Variants in OLA1 observed in about 807,000 individuals in gnomAD.
OLA1 encodes obg-like ATPase 1.
A neutral mutation model predicts 48.4 loss-of-function variants in OLA1; 14 were observed. The observed-to-expected ratio is 0.29, with a 90% CI of 0.19 to 0.45. The LOEUF (loss-of-function observed/expected upper bound fraction) is 0.45, where lower values mean the gene tolerates loss of function less well. Among genes scored for constraint, OLA1 ranks in the 20% least tolerant of loss-of-function variants. OLA1 has a pLI of 1.00. For missense variants in OLA1, 325 were observed against 467.1 expected, an observed-to-expected ratio of 0.70 and a Z score of 2.80; for synonymous variants, 127 against 150.4, an observed-to-expected ratio of 0.84 and a Z score of 1.14.
Position 174,230,847 on chromosome 2 carries a change from A to T in OLA1, c.102-1396T>A, listed in dbSNP as rs572165346. Among the ~76,000 whole-genome samples the T allele has an allele frequency of 1.6e-4, 24 of 152,346 alleles. 1 individual carries two copies. The South Asian group carries it at 4.8e-3, about 30-fold the overall frequency. ...CTAGAAAAGCCATCTAAAATGCAGG[A>T]TACAGAAGGCATCTGTTTGAAGGGT... On this transcript the variant is annotated intron_variant, in intron 2 of 10. Transcript: ENST00000284719.
intron 2 of OLA1, among the ~76,000 whole-genome samples, chr2:174,236,358 T>C (rs935006688): frequency 1.3e-5 from 2 of 152,088 alleles, no homozygotes; most frequent in Admixed American, 1.3e-4. Flanking sequence ...AATAAAATTA[T>C]TGTTAAAAAG....
At chr2:174,200,413 CAGTT>C (rs1687967297) in intron 4 of OLA1, among the ~76,000 whole-genome samples, 1 of 152,094 alleles carries the variant, frequency 6.6e-6, no homozygotes, top group Admixed American at 6.6e-5. Flanking sequence ...AAGATTATAG[CAGTT>C]AGAAAAAGAA....
At chr2:174,146,590 C>G (rs1686606069) in intron 4 of OLA1, among the ~76,000 whole-genome samples, 1 of 152,110 alleles carries the variant, frequency 6.6e-6, no homozygotes, top group African/African-American at 2.4e-5. Flanking sequence ...GAGAGCACTC[C>G]AACACTCAGA....
At chr2:174,133,026 T>C (rs1686219607) in intron 5 of OLA1, among the ~76,000 whole-genome samples, 1 of 152,212 alleles carries the variant, frequency 6.6e-6, no homozygotes, top group Non-Finnish European at 1.5e-5. Context: ...ATTATGCATA[T>C]ACAAACTTAA....
At chr2:174,143,929 G>C (rs1686518369) in intron 4 of OLA1, among the ~76,000 whole-genome samples, 1 of 152,108 alleles carries the variant, frequency 6.6e-6, no homozygotes, top group African/African-American at 2.4e-5. Context: ...GCAAGATCCT[G>C]TCTCTACAAG....
At chr2:174,197,382 C>T (rs1687900332) in intron 4 of OLA1, among the ~76,000 whole-genome samples, 1 of 151,898 alleles carries the variant, frequency 6.6e-6, no homozygotes, top group East Asian at 1.9e-4. Flanking sequence ...AGGATTTAAC[C>T]TTTTAATAAA....
Position 174,194,946 on chromosome 2 carries a change from T to C in OLA1, c.373+28087A>G, listed in dbSNP as rs2105426855. Reference sequence around the variant, plus strand: ...GTATACAACATACAAACGTGCATATTCATATTTTCTCTCTCTCTCTCTGCA... The same window carrying C: ...GTATACAACATACAAACGTGCATATCCATATTTTCTCTCTCTCTCTCTGCA... On this transcript the variant is annotated intron_variant, in intron 4 of 10. Coordinates refer to ENST00000284719, the MANE Select transcript of OLA1 (RefSeq NM_013341.5). Among the ~76,000 whole-genome samples, 2 of 152,274 alleles carry C rather than the reference T, an allele frequency of 1.3e-5. 1 individual carries two copies. Among genetic ancestry groups the C allele is most frequent in the South Asian group, 4.1e-4 (2 of 4,826 alleles).
At chr2:174,123,404 C>T in intron 6 of OLA1, 127 bp from the exon 7 acceptor site, 1 of 601,520 alleles carries the variant, frequency 1.7e-6, no homozygotes, top group Non-Finnish European at 2.8e-6. Flanking sequence ...ATTCTTCTTT[C>T]CAAAAGATTA....
intron 4 of OLA1, among the ~76,000 whole-genome samples, chr2:174,210,354 C>A (rs961504292): frequency 7.9e-5 from 12 of 152,142 alleles, no homozygotes; most frequent in African/African-American, 2.9e-4. Flanking sequence ...TTATTTTGAA[C>A]CTTAATTATT....
At chr2:174,139,724 G>A (rs1686394463) in intron 5 of OLA1, among the ~76,000 whole-genome samples, 1 of 152,020 alleles carries the variant, frequency 6.6e-6, no homozygotes, top group African/African-American at 2.4e-5. Flanking sequence ...AATTAGCCGG[G>A]TGTGGTGGCA....
chr2:174,162,053 A>G (rs1450171527), intron 4 of OLA1, among the ~76,000 whole-genome samples: 1 of 152,200 alleles, frequency 6.6e-6, no homozygotes, highest in Non-Finnish European at 1.5e-5. Flanking sequence ...CAAAGGCAGG[A>G]AAAGTGAGCA....
At chr2:174,125,869 T>C (rs1686033780) in intron 5 of OLA1, among the ~76,000 whole-genome samples, 1 of 152,174 alleles carries the variant, frequency 6.6e-6, no homozygotes, top group Non-Finnish European at 1.5e-5. Flanking sequence ...AAAGCCACAT[T>C]CAAATATTTT....
In OLA1 at chr2:174,221,787, G is replaced by A. The variant is rs759972532; in HGVS notation, c.373+1246C>T. ...CAAGTGACCTGGTCCAGAAATCCAG[G>A]AGTCACACTTCACTCTACCTTCTCT... On this transcript the variant is annotated intron_variant, in intron 4 of 10. Transcript: ENST00000284719. Among the ~76,000 whole-genome samples, 96 of 152,132 alleles carry A rather than the reference G, an allele frequency of 6.3e-4. 1 individual carries two copies. Among genetic ancestry groups the A allele is most frequent in the Non-Finnish European group, 1.2e-3 (81 of 68,026 alleles).
rs190612608 is a variant in OLA1, at chr2:174,107,257, T to C, written c.728+15923A>G. ...TCTTGTCTACTGACTCACATTTTAC[T>C]TGGGTACTTTATAATTAAAAGTATT... On this transcript the variant is annotated intron_variant, in intron 7 of 10. Transcript: ENST00000284719. Among the ~76,000 whole-genome samples the C allele has an allele frequency of 2.6e-5, 4 of 152,296 alleles. No individual in the cohort carries two copies. In the East Asian group the frequency reaches 7.7e-4, roughly 29 times the overall value.
intron 4 of OLA1, among the ~76,000 whole-genome samples, chr2:174,175,039 T>C (rs919275338): frequency 2.6e-5 from 4 of 151,992 alleles, no homozygotes; most frequent in Admixed American, 2.0e-4. Context: ...CAACAAATAA[T>C]TCTGGAAAAA....
intron 4 of OLA1, among the ~76,000 whole-genome samples, chr2:174,174,937 T>C (rs1405810939): frequency 6.6e-6 from 1 of 152,012 alleles, no homozygotes; most frequent in African/African-American, 2.4e-5. Context: ...TGGAACAGAA[T>C]AGAGTGTGTA....
At chr2:174,199,582 C>T (rs1687947607) in intron 4 of OLA1, among the ~76,000 whole-genome samples, 1 of 152,098 alleles carries the variant, frequency 6.6e-6, no homozygotes, top group Admixed American at 6.6e-5. Flanking sequence ...GTGATATCAA[C>T]AGATTTGATT....
intron 4 of OLA1, among the ~76,000 whole-genome samples, chr2:174,199,688 GTCAC>G (rs1687950179): frequency 6.6e-6 from 1 of 151,982 alleles, no homozygotes; most frequent in African/African-American, 2.4e-5. Context: ...GGGTAAAAGA[GTCAC>G]TCAAAGTACA....
intron 7 of OLA1, among the ~76,000 whole-genome samples, chr2:174,121,933 A>T (rs1221036745): frequency 6.6e-6 from 1 of 152,204 alleles, no homozygotes; most frequent in Non-Finnish European, 1.5e-5. Flanking sequence ...AGCCTCAGGA[A>T]ACCTTACCAT....
Sources: gnomAD v4.1 joint callset for allele counts (sites outside exome capture counted in the v4.1 genomes callset) on GRCh38, gnomAD v4.1.1 for gene constraint, MANE v1.5 for transcripts, NCBI Gene and HGNC (gene_info 2026-07-23, HGNC 2026-07-21) for gene names.